APLF: variants seen among roughly 807,000 people sequenced by gnomAD.
The protein encoded by APLF is aprataxin and PNK-like factor.
A neutral mutation model predicts 55.6 loss-of-function variants in APLF; 61 were observed. The observed-to-expected ratio is 1.10, with a 90% confidence interval of 0.89 to 1.36. The LOEUF is 1.36. Ranked by LOEUF, APLF falls within the 40% of genes most tolerant of loss-of-function variation. The pLI is 0.00. For synonymous variants in APLF, 207 were observed against 214.8 expected (o/e 0.96, Z 0.32); for missense variants, 611 against 602.5 (o/e 1.01, Z -0.15).
chr2:68,544,684 G>A (rs756085014), intron 7 of APLF, among the ~76,000 whole-genome samples: 12 of 151,954 alleles, frequency 7.9e-5, no homozygotes, highest in African/African-American at 2.4e-4. Flanking sequence ...TCTTGAGACC[G>A]AAAAGTTTGA....
chr2:68,532,170 T>C (rs556715954), intron 6 of APLF, among the ~76,000 whole-genome samples: 3 of 152,250 alleles, frequency 2.0e-5, no homozygotes, highest in Non-Finnish European at 2.9e-5. Context: ...CCTAAAGGGA[T>C]AGCTGTAGTG....
At chr2:68,556,275 A>C (rs887896444) in intron 8 of APLF, among the ~76,000 whole-genome samples, 7 of 152,188 alleles carry the variant, frequency 4.6e-5, no homozygotes, top group African/African-American at 1.4e-4. Context: ...TGATGGGTGC[A>C]CCAAAATCTC....
At chr2:68,509,373 A>G (rs1042625575) in intron 3 of APLF, among the ~76,000 whole-genome samples, 2 of 152,164 alleles carry the variant, frequency 1.3e-5, no homozygotes, top group African/African-American at 4.8e-5. Flanking sequence ...TCAAATTTAT[A>G]AGAAAAAAAC....
chr2:68,512,962 A>G (rs904819161), intron 3 of APLF, 118 bp from the exon 4 acceptor site: 5 of 787,442 alleles, frequency 6.3e-6, no homozygotes, highest in Non-Finnish European at 1.0e-5. Context: ...GTATACTATA[A>G]TCTGCTTTTT....
At chr2:68,574,739 G>A (rs1457915531) in intron 9 of APLF, among the ~76,000 whole-genome samples, 1 of 152,166 alleles carries the variant, frequency 6.6e-6, no homozygotes, top group Non-Finnish European at 1.5e-5. Flanking sequence ...CAACAAATGA[G>A]GCTTCTTAAT....
chr2:68,489,516 T>C (rs943236256), intron 1 of APLF, among the ~76,000 whole-genome samples: 1 of 152,260 alleles, frequency 6.6e-6, no homozygotes, highest in Non-Finnish European at 1.5e-5. Context: ...TTTTGAACTT[T>C]GGTATGTGGA....
In APLF at chr2:68,567,493, T is replaced by C; in HGVS notation, c.1333+106T>C. 3.6e-6 allele frequency: 3 copies of C among 838,792 alleles called. No homozygotes were observed. The South Asian group carries it at 5.6e-5, about 16-fold the overall frequency. 52.0% of individuals were successfully genotyped at this position (838,792 alleles called of 1,614,324 possible). ...AAATATTTTAAAATCTCTGCTTCTG[T>C]GAATTTGTTGAATTGCTGATTTTAA... On this transcript the variant is annotated intron_variant, in intron 9 of 9. Coordinates refer to ENST00000303795, the MANE Select transcript of APLF (RefSeq NM_173545.3).
intron 5 of APLF, among the ~76,000 whole-genome samples, chr2:68,518,431 A>ATATAATATAT (rs1669729021): frequency 8.9e-6 from 1 of 112,846 alleles, no homozygotes; most frequent in Admixed American, 1.1e-4. Flanking sequence ...ATAATTTATT[A>ATATAATATAT]TATAATATAT....
At chr2:68,534,022 A>C (rs369180114) in intron 6 of APLF, among the ~76,000 whole-genome samples, 8 of 152,336 alleles carry the variant, frequency 5.3e-5, no homozygotes, top group African/African-American at 1.9e-4. Flanking sequence ...GAAGAAATAG[A>C]GAATCTAAAC....
intron 8 of APLF, among the ~76,000 whole-genome samples, chr2:68,565,648 T>G (rs888844676): frequency 2.6e-5 from 4 of 152,084 alleles, no homozygotes; most frequent in African/African-American, 9.7e-5. Flanking sequence ...TCTATGTTGT[T>G]AGAAATTATT....
At chr2:68,549,701 T>C (rs1381432955) in intron 8 of APLF, among the ~76,000 whole-genome samples, 1 of 152,170 alleles carries the variant, frequency 6.6e-6, no homozygotes, top group East Asian at 1.9e-4. Context: ...TATTTGCTAG[T>C]TGATTTTTTT....
chr2:68,567,544 C>A (rs1026238484), intron 9 of APLF, among the ~76,000 whole-genome samples, 157 bp downstream of exon 9: 19 of 150,786 alleles, frequency 1.3e-4, no homozygotes, highest in African/African-American at 3.9e-4. Context: ...TAAAAAAAAA[C>A]ACAACTGTGA....
At chr2:68,480,354 G>T (rs1235219706) in intron 1 of APLF, among the ~76,000 whole-genome samples, 1 of 151,468 alleles carries the variant, frequency 6.6e-6, no homozygotes, top group African/African-American at 2.4e-5. Context: ...ACCCAGGCTG[G>T]AGTGCGGTGG....
In APLF at chr2:68,513,076, A is replaced by G; in HGVS notation, c.342-4A>G. 6.3e-7 allele frequency: 1 copy of G among 1,597,990 alleles called. No homozygotes were observed. The highest frequency in any genetic ancestry group is 8.5e-7 in the Non-Finnish European group (1 of 1,172,224). ...TAAAGACCAGTTTCTATTTTATCTT[A>G]TAGAAACAGTCAAGTGCTTGATGAA... is the stretch of plus-strand genomic sequence containing the variant. On this transcript the variant is annotated splice_polypyrimidine_tract_variant and splice_region_variant and intron_variant, in intron 3 of 9. Coordinates refer to ENST00000303795, the MANE Select transcript of APLF (RefSeq NM_173545.3).
Position 68,545,182 on chromosome 2 carries a change from C to A in APLF, c.1161-5C>A, listed in dbSNP as rs547935887. On this transcript the variant is annotated splice_polypyrimidine_tract_variant and splice_region_variant and intron_variant, in intron 7 of 9. Coordinates refer to ENST00000303795, the MANE Select transcript of APLF (RefSeq NM_173545.3). ...TTTCTGACAGTATATTTGTCGCCCT[C>A]CTAGGAAGAATCCTGTTCATTTTCA... 58 of 1,612,552 alleles carry A rather than the reference C, an allele frequency of 3.6e-5. 1 individual carries two copies. The South Asian group carries it at 6.0e-4, about 17-fold the overall frequency.
chr2:68,491,291 G>C (rs979767992), intron 2 of APLF, among the ~76,000 whole-genome samples: 3 of 152,190 alleles, frequency 2.0e-5, no homozygotes, highest in Admixed American at 6.5e-5. Flanking sequence ...ATCCTCTCCA[G>C]CTATCTTATT....
chr2:68,468,990 GT>G (rs1675525445), intron 1 of APLF, among the ~76,000 whole-genome samples: 5 of 26,590 alleles, frequency 1.9e-4, no homozygotes, highest in African/African-American at 4.5e-4. Flanking sequence ...TCCTAAAGGG[GT>G]GTGTGTGTGT....
chr2:68,542,428 T>A (rs1670579394), intron 7 of APLF, among the ~76,000 whole-genome samples: 1 of 152,116 alleles, frequency 6.6e-6, no homozygotes, highest in Non-Finnish European at 1.5e-5. Context: ...ATGTCTAGAA[T>A]ACATAAAGAA....
At chr2:68,505,973 G>C (rs1676863914) in intron 3 of APLF, among the ~76,000 whole-genome samples, 1 of 151,864 alleles carries the variant, frequency 6.6e-6, no homozygotes, top group Non-Finnish European at 1.5e-5. Context: ...ATCTTTAGAG[G>C]CTTTCCAAAA....
Sources: gnomAD v4.1 joint callset for allele counts (sites outside exome capture counted in the v4.1 genomes callset) on GRCh38, gnomAD v4.1.1 for gene constraint, MANE v1.5 for transcripts, NCBI Gene and HGNC (gene_info 2026-07-23, HGNC 2026-07-21) for gene names.